GALNT7: variants seen among roughly 807,000 people sequenced by gnomAD.
The protein encoded by GALNT7 is N-acetylgalactosaminyltransferase 7.
Under a neutral mutation model 82.1 loss-of-function variants are expected in GALNT7, and 60 were observed. That is an observed-to-expected ratio of 0.73 (90% CI 0.59 to 0.91). The LOEUF is 0.91. Among genes scored for constraint, GALNT7 ranks in the 40% least tolerant of loss-of-function variants. The probability of loss-of-function intolerance (pLI) is 0.00; values close to 1 mark genes in which losing one functional copy is unlikely to be tolerated. For synonymous variants in GALNT7, 243 were observed against 275.1 expected, an observed-to-expected ratio of 0.88 and a Z score of 1.15; for missense variants, 660 against 804.2, an observed-to-expected ratio of 0.82 and a Z score of 2.17.
At chr4:173,172,142 T>C (rs904044419) in intron 1 of GALNT7, among the ~76,000 whole-genome samples, 10 of 152,240 alleles carry the variant, frequency 6.6e-5, no homozygotes, top group African/African-American at 2.4e-4. Context: ...CCATGTGGGC[T>C]ACTTGAGAAA....
At chr4:173,198,091 G>T (rs542234253) in intron 1 of GALNT7, among the ~76,000 whole-genome samples, 4 of 151,118 alleles carry the variant, frequency 2.6e-5, no homozygotes, top group Admixed American at 2.6e-4. Context: ...ACGGAGTCTC[G>T]CTCTGTCACC....
At chr4:173,279,170 A>G (rs1736019012) in intron 2 of GALNT7, among the ~76,000 whole-genome samples, 1 of 152,198 alleles carries the variant, frequency 6.6e-6, no homozygotes, top group Non-Finnish European at 1.5e-5. Context: ...CAGGCTGTAC[A>G]AGCATGGCAC....
At chr4:173,248,465 A>G in intron 2 of GALNT7, 25 bp downstream of exon 2, 1 of 1,406,060 alleles carries the variant, frequency 7.1e-7, no homozygotes, top group South Asian at 1.2e-5. Flanking sequence ...TCTTCTTTCT[A>G]AAAATGGGGC....
intron 1 of GALNT7, among the ~76,000 whole-genome samples, chr4:173,180,044 A>G (rs1480755173): frequency 6.6e-6 from 1 of 152,190 alleles, no homozygotes; most frequent in Admixed American, 6.5e-5. Context: ...TGCAAGTGTC[A>G]TTTTGCCAGG....
At chr4:173,317,326 C>T in intron 9 of GALNT7, 1 of 252,088 alleles carries the variant, frequency 4.0e-6, no homozygotes. Flanking sequence ...CTATTTGCTT[C>T]TCATTCACAT....
intron 1 of GALNT7, among the ~76,000 whole-genome samples, chr4:173,218,673 T>G (rs1402865070): frequency 6.6e-6 from 1 of 152,206 alleles, no homozygotes; most frequent in African/African-American, 2.4e-5. Flanking sequence ...GAAGGATTGA[T>G]AGTGTCCAGT....
intron 1 of GALNT7, among the ~76,000 whole-genome samples, chr4:173,202,689 C>A (rs988655338): frequency 5.3e-5 from 8 of 152,098 alleles, no homozygotes; most frequent in Non-Finnish European, 1.0e-4. Context: ...GGCTGCCTGG[C>A]GTTTTCTAAT....
chr4:173,187,289 A>G (rs1732491265), intron 1 of GALNT7, among the ~76,000 whole-genome samples: 1 of 151,806 alleles, frequency 6.6e-6, no homozygotes, highest in Non-Finnish European at 1.5e-5. Flanking sequence ...CTGTAGAAAT[A>G]TTTTAATTGT....
chr4:173,301,280 G>A (rs1042362130), intron 6 of GALNT7, among the ~76,000 whole-genome samples: 1 of 152,016 alleles, frequency 6.6e-6, no homozygotes, highest in Non-Finnish European at 1.5e-5. Context: ...GAATCATGAT[G>A]GATTAGTAAT....
intron 7 of GALNT7, among the ~76,000 whole-genome samples, chr4:173,303,473 A>T: frequency 6.6e-6 from 1 of 152,220 alleles, no homozygotes; most frequent in Middle Eastern, 3.2e-3. Context: ...TTTAAAGCTG[A>T]GTTAAGAGAT....
intron 2 of GALNT7, among the ~76,000 whole-genome samples, chr4:173,271,405 C>A (rs1389123114): frequency 6.6e-6 from 1 of 152,064 alleles, no homozygotes; most frequent in Non-Finnish European, 1.5e-5. Context: ...GTAATCCTAC[C>A]AGCCAAGTAA....
intron 1 of GALNT7, among the ~76,000 whole-genome samples, chr4:173,183,731 G>A (rs1467726855): frequency 6.6e-6 from 1 of 151,448 alleles, no homozygotes; most frequent in Non-Finnish European, 1.5e-5. Context: ...GCGGCGGCCG[G>A]GCGGGGTCTG....
At chr4:173,278,816 C>T (rs1201569569) in intron 2 of GALNT7, among the ~76,000 whole-genome samples, 1 of 152,130 alleles carries the variant, frequency 6.6e-6, no homozygotes, top group Non-Finnish European at 1.5e-5. Context: ...TGTAGCAGTC[C>T]TTTTTGGGAA....
chr4:173,270,618 T>C (rs1735688125), intron 2 of GALNT7, among the ~76,000 whole-genome samples: 1 of 152,210 alleles, frequency 6.6e-6, no homozygotes, highest in Non-Finnish European at 1.5e-5. Flanking sequence ...AAGATATAAT[T>C]TTTCCTCCAC....
intron 2 of GALNT7, among the ~76,000 whole-genome samples, chr4:173,250,732 C>A (rs1049552201): frequency 2.0e-5 from 3 of 152,178 alleles, no homozygotes; most frequent in African/African-American, 7.2e-5. Flanking sequence ...AAACTCCTAA[C>A]GTGCAGCAGC....
intron 2 of GALNT7, among the ~76,000 whole-genome samples, chr4:173,258,033 G>C (rs532297316): frequency 1.3e-5 from 2 of 152,322 alleles, no homozygotes; most frequent in East Asian, 3.9e-4. Context: ...CAGTGAGATT[G>C]AGTTGGGGAA....
At chr4:173,176,818 A>T (rs1732062414) in intron 1 of GALNT7, among the ~76,000 whole-genome samples, 1 of 152,232 alleles carries the variant, frequency 6.6e-6, no homozygotes, top group African/African-American at 2.4e-5. Context: ...CTCTAGAAAG[A>T]TAAATAGAAT....
rs142174969 is a variant in GALNT7 at position 173,232,971 on chromosome 4, A to T, written c.127-15009A>T. Among the ~76,000 whole-genome samples the T allele has an allele frequency of 2.3e-4, 35 of 152,296 alleles. No homozygotes were observed. The East Asian group carries it at 6.6e-3, about 29-fold the overall frequency. ...AGATCCACTTTTTTAGCTCTCGCGT[A>T]TGAGTGAGAACACGTGGTATTTGTC... On this transcript the variant is annotated intron_variant, in intron 1 of 11. Coordinates refer to ENST00000265000, the MANE Select transcript of GALNT7 (RefSeq NM_017423.3).
rs1266206562 is a variant in GALNT7, at chr4:173,302,569, A to G, written c.1266+405A>G. ...TGATTCAAGACAGAAGCAGAGCCCC[A>G]CAATGACTGTATCCTCAGGCTGACT... On this transcript the variant is annotated intron_variant, in intron 7 of 11. Transcript: ENST00000265000. This position sits in a 1 kb window ranked among gnomAD's most constrained non-coding sequence, Gnocchi z 4.2. 6.6e-6 allele frequency among the ~76,000 whole-genome samples: 1 copy of G among 152,228 alleles called. No individual in the cohort carries two copies. The highest frequency in any genetic ancestry group is 1.5e-5 in the Non-Finnish European group (1 of 68,040).
Sources: allele counts gnomAD v4.1 joint callset (sites outside exome capture counted in the v4.1 genomes callset), GRCh38; gene constraint gnomAD v4.1.1; non-coding constraint Gnocchi (gnomAD v3.1); transcripts MANE v1.5; gene names NCBI Gene and HGNC (gene_info 2026-07-23, HGNC 2026-07-21).